IGF2R: variants seen among roughly 807,000 people sequenced by gnomAD.
The protein encoded by IGF2R is insulin like growth factor 2 receptor.
A neutral mutation model predicts 270.6 loss-of-function variants in IGF2R; 91 were observed. That is an observed-to-expected ratio of 0.34 (90% confidence interval 0.28 to 0.40). IGF2R has a LOEUF of 0.40. Among genes scored for constraint, IGF2R ranks in the 10% least tolerant of loss-of-function variants. The probability of loss-of-function intolerance (pLI) is 1.00; values close to 1 mark genes in which losing one functional copy is unlikely to be tolerated. For synonymous variants in IGF2R, 1,316 were observed against 1,258.9 expected (o/e 1.05, Z -0.96); for missense variants, 2,805 against 3,188.3 (o/e 0.88, Z 2.90).
chr6:160,030,919 GTTCAAGCAATCCTCCCAC>G (rs775396312), intron 7 of IGF2R, among the ~76,000 whole-genome samples: 37 of 151,620 alleles, frequency 2.4e-4, no homozygotes, highest in Non-Finnish European at 3.8e-4. Context: ...CGCCTCCCTA[GTTCAAGCAATCCTCCCAC>G]TTCAAGCAAT....
At chr6:160,045,649 T>C in intron 13 of IGF2R, 96 bp from the exon 14 acceptor site, 1 of 1,471,772 alleles carries the variant, frequency 6.8e-7, no homozygotes, top group Non-Finnish European at 9.5e-7. Flanking sequence ...CATTTCCCAC[T>C]GTCCCTTCCA....
chr6:160,047,477 A>T lies in IGF2R; in HGVS notation c.2229+141A>T, dbSNP rs888281194. 8.2e-6 allele frequency: 6 copies of T among 729,670 alleles called. No individual in the cohort carries two copies. In the Admixed American group the frequency reaches 8.9e-5, roughly 11 times the overall value. 45.2% of individuals were successfully genotyped at this position (729,670 alleles called of 1,614,324 possible). On this transcript the variant is annotated intron_variant, in intron 16 of 47. Transcript: ENST00000356956. ...AGATTTGCCAGGGTGCCTGGGCAGT[A>T]TTAGTATTTTAAGCTGTTTATTTAG... is the stretch of plus-strand genomic sequence containing the variant.
intron 44 of IGF2R, among the ~76,000 whole-genome samples, chr6:160,092,349 C>T (rs887443575): frequency 2.6e-5 from 4 of 152,252 alleles, no homozygotes; most frequent in Non-Finnish European, 4.4e-5. Context: ...GGAGTCTTCA[C>T]GCTCCATCGC....
At chr6:160,100,224 A>C (rs1463202209) in intron 45 of IGF2R, among the ~76,000 whole-genome samples, 1 of 152,192 alleles carries the variant, frequency 6.6e-6, no homozygotes, top group Non-Finnish European at 1.5e-5. Flanking sequence ...ACTGGATTTC[A>C]AAAACAACTC....
At chr6:160,027,487 T>C (rs554307339) in intron 6 of IGF2R, among the ~76,000 whole-genome samples, 173 bp downstream of exon 6, 2 of 152,370 alleles carry the variant, frequency 1.3e-5, no homozygotes, top group East Asian at 3.9e-4. Flanking sequence ...CATAGTCTAG[T>C]GTGCTTGTCT....
intron 45 of IGF2R, among the ~76,000 whole-genome samples, chr6:160,101,295 C>T (rs1367550697): frequency 2.6e-5 from 4 of 152,150 alleles, no homozygotes; most frequent in Non-Finnish European, 5.9e-5. Flanking sequence ...GGATGCATTT[C>T]GAGTGGTCCT....
rs540023205 is a variant in IGF2R at position 160,075,969 on chromosome 6, G to T, written c.5289G>T (p.Ala1763=). The part of the protein sequence containing the change: ...DKHFNYTSLI[A]FHCKRGVSMG... ...ATTTCAACTACACCTCGCTCATCGC[G>T]TTTCACTGTAAGAGAGGTGTGAGCA... The change falls in exon 36 of 48, where the codon GCG becomes GCT. Residue 1763 remains alanine, a synonymous_variant. Coordinates refer to ENST00000356956, the MANE Select transcript of IGF2R (RefSeq NM_000876.4). 5 of 1,614,150 alleles carry T rather than the reference G, an allele frequency of 3.1e-6. No individual in the cohort carries two copies. The Admixed American group carries it at 8.3e-5, about 27-fold the overall frequency.
In IGF2R at chr6:160,069,965, A is replaced by G; in HGVS notation, c.4350A>G (p.Ile1450Met). 1 of 1,614,174 alleles carries G rather than the reference A, an allele frequency of 6.2e-7. No homozygotes were observed. The highest frequency in any genetic ancestry group is 8.5e-7 in the Non-Finnish European group (1 of 1,180,020). The change falls in exon 31 of 48, where the codon ATA (isoleucine) becomes ATG (methionine). Residue 1450 changes from isoleucine to methionine, a missense_variant. Around this residue, in one of 2 missense-constraint regions of IGF2R, gnomAD observed 1,851 missense variants for 2,207.2 expected, o/e 0.84. Coordinates refer to ENST00000356956, the MANE Select transcript of IGF2R (RefSeq NM_000876.4). The part of the protein sequence containing the change: ...VRDGPQWRDG[I>M]IVLKYVDGDL... ...ACGGACCTCAGTGGAGAGATGGCATAATTGTCCTGAAATACGTTGATGGCG... is the reference window on the plus strand; with the variant it reads ...ACGGACCTCAGTGGAGAGATGGCATGATTGTCCTGAAATACGTTGATGGCG...
At chr6:159,986,006 G>T (rs1364389831) in intron 1 of IGF2R, among the ~76,000 whole-genome samples, 1 of 152,076 alleles carries the variant, frequency 6.6e-6, no homozygotes, top group East Asian at 1.9e-4. Context: ...CTTGAGGATG[G>T]TCACTGAATT....
rs149952711 is a variant in IGF2R at position 160,083,971 on chromosome 6, G to A, written c.5855G>A (p.Ser1952Asn). Residue 1952 changes from serine (S) to asparagine (N), a missense_variant, in exon 40 of 48, where the codon AGC (serine) becomes AAC (asparagine). Ser to Asn is a conservative substitution (Grantham distance 46). Coordinates refer to ENST00000356956, the MANE Select transcript of IGF2R (RefSeq NM_000876.4). ...CRHSNSYRTS[S>N]IIFKCDEDED... ...CCAGCAAACAGCTACCGGACATCCA[G>A]CATCATATTTAAGTGTGATGAAGAT... is the stretch of plus-strand genomic sequence containing the variant. 2 of 1,613,320 alleles carry A rather than the reference G, an allele frequency of 1.2e-6. No individual in the cohort carries two copies. The highest frequency in any genetic ancestry group is 2.7e-5 in the African/African-American group (2 of 74,884).
At chr6:159,980,049 C>T (rs761421016) in intron 1 of IGF2R, among the ~76,000 whole-genome samples, 2 of 151,926 alleles carry the variant, frequency 1.3e-5, no homozygotes, top group East Asian at 1.9e-4. Context: ...GGCGCGGTGG[C>T]GGGCGCCTGT....
chr6:160,027,834 AGT>A (rs1321877079), intron 6 of IGF2R, among the ~76,000 whole-genome samples: 1 of 152,102 alleles, frequency 6.6e-6, no homozygotes, highest in Non-Finnish European at 1.5e-5. Context: ...GCATTTCTCT[AGT>A]GTGTTGCACA....
intron 10 of IGF2R, among the ~76,000 whole-genome samples, chr6:160,038,523 A>G (rs1358466342): frequency 6.6e-6 from 1 of 152,264 alleles, no homozygotes; most frequent in East Asian, 1.9e-4. Flanking sequence ...GTAGTATTTA[A>G]TTATTTGTAA....
At position 160,073,465 on chromosome 6, in the gene IGF2R, A is replaced by G; in HGVS notation, c.4943A>G (p.Gln1648Arg). 6.2e-7 allele frequency: 1 copy of G among 1,614,150 alleles called. No homozygotes were observed. The highest frequency in any genetic ancestry group is 1.1e-5 in the South Asian group (1 of 91,088). ...FSWHTPLACE[Q>R]ATECSVRNGS... ...TGGCACACGCCGCTGGCCTGCGAGCAAGCGGTGAGTTTTCAGATGGGCACG... is the reference window on the plus strand; with the variant it reads ...TGGCACACGCCGCTGGCCTGCGAGCGAGCGGTGAGTTTTCAGATGGGCACG... The change falls in exon 34 of 48, where the codon CAA becomes CGA. Residue 1648 changes from glutamine (Q) to arginine (R), a missense_variant. Physicochemically the swap from Gln to Arg is conservative, Grantham distance 43. Coordinates refer to ENST00000356956, the MANE Select transcript of IGF2R (RefSeq NM_000876.4).
chr6:160,068,061 GGGGGGTGT>G (rs758097540), intron 29 of IGF2R, among the ~76,000 whole-genome samples, 180 bp from the exon 30 acceptor site: 1,082 of 39,118 alleles, frequency 0.028, 7 homozygotes, highest in Non-Finnish European at 0.033. Flanking sequence ...TGATTCTGAT[GGGGGGTGT>G]GTGTGTGTGT....
chr6:160,049,593 C>T (rs935013859), intron 18 of IGF2R, among the ~76,000 whole-genome samples: 5 of 152,202 alleles, frequency 3.3e-5, no homozygotes, highest in African/African-American at 1.2e-4. Context: ...CCGCGCTGCA[C>T]TGCCTGGTAA....
chr6:159,999,257 G>T (rs1303980303), intron 2 of IGF2R, among the ~76,000 whole-genome samples: 2 of 152,200 alleles, frequency 1.3e-5, no homozygotes, highest in East Asian at 1.9e-4. Context: ...GGGAGGATTC[G>T]TGATAATTAC....
chr6:160,105,128 A>G lies in IGF2R; in HGVS notation c.*44A>G, dbSNP rs1044291603. The stretch of plus-strand genomic sequence containing the variant: ...GGAGCACGGAGCCGCGGGACAGCCA[A>G]GCACCTCCAACCAAATAAGACTTCC... On this transcript the variant is annotated 3_prime_UTR_variant, in exon 48 of 48. Coordinates refer to ENST00000356956, the MANE Select transcript of IGF2R (RefSeq NM_000876.4). 3 of 1,444,538 alleles carry G rather than the reference A, an allele frequency of 2.1e-6. No homozygotes were observed. The highest frequency in any genetic ancestry group is 2.8e-6 in the Non-Finnish European group (3 of 1,085,770). 89.5% of individuals were successfully genotyped at this position (1,444,538 alleles called of 1,614,324 possible). A position where few individuals can be genotyped will look rare whatever the true frequency, so the allele number is the denominator to read the frequency against.
chr6:160,084,594 T>G lies in IGF2R; in HGVS notation c.6069-401T>G, dbSNP rs1271100427. Among the ~76,000 whole-genome samples, 1 of 152,164 alleles carries G rather than the reference T, an allele frequency of 6.6e-6. No homozygotes were observed. The highest frequency in any genetic ancestry group is 1.5e-5 in the Non-Finnish European group (1 of 68,026). ...ACCACTCTGCGTGGGGAGCGCCCGCTTGGCCAGGTGCTCCTGCAAGACATC... is the reference window on the plus strand; with the variant it reads ...ACCACTCTGCGTGGGGAGCGCCCGCGTGGCCAGGTGCTCCTGCAAGACATC... On this transcript the variant is annotated intron_variant, in intron 40 of 47. Transcript: ENST00000356956. This position sits in a 1 kb window ranked among gnomAD's most constrained non-coding sequence, Gnocchi z 4.6.
Sources: allele counts gnomAD v4.1 joint callset (sites outside exome capture counted in the v4.1 genomes callset), GRCh38; gene constraint gnomAD v4.1.1; regional missense constraint gnomAD v4.1.1; non-coding constraint Gnocchi (gnomAD v3.1); transcripts MANE v1.5; gene names NCBI Gene and HGNC (gene_info 2026-07-23, HGNC 2026-07-21).